The following KDM1A variants were observed in gnomAD, a reference collection of about 807,000 sequenced individuals.
KDM1A encodes the protein lysine demethylase 1A, also known as lysine-specific histone demethylase 1A.
A neutral mutation model predicts 109.4 loss-of-function variants in KDM1A; 49 were observed. The observed-to-expected ratio is 0.45, with a 90% CI of 0.36 to 0.57. The LOEUF (loss-of-function observed/expected upper bound fraction) is 0.57. Ranked by LOEUF, KDM1A falls within the 20% of genes least tolerant of loss-of-function variation. The pLI is 0.00. For missense variants in KDM1A, 668 were observed against 1,116.6 expected (o/e 0.60, Z 5.73); for synonymous variants, 380 against 415.4 (o/e 0.91, Z 1.04).
At chr1:23,032,396 T>C (rs1414797547) in intron 2 of KDM1A, among the ~76,000 whole-genome samples, 2 of 152,056 alleles carry the variant, frequency 1.3e-5, no homozygotes, top group Non-Finnish European at 2.9e-5. Flanking sequence ...TCAGGTATTG[T>C]TCCCACAAAA....
intron 2 of KDM1A, among the ~76,000 whole-genome samples, chr1:23,036,219 C>T (rs1305428735): frequency 6.6e-6 from 1 of 152,090 alleles, no homozygotes; most frequent in Non-Finnish European, 1.5e-5. Flanking sequence ...CAGATTACCA[C>T]CACAGGGAAG....
rs1444148611 is a variant in KDM1A, at chr1:23,055,109, G to T, written c.831G>T (p.Glu277Asp). The T allele has an allele frequency of 6.2e-6, 10 of 1,612,426 alleles. No individual in the cohort carries two copies. Among genetic ancestry groups the T allele is most frequent in the Non-Finnish European group, 8.5e-6 (10 of 1,179,544 alleles). Residue 277 changes from glutamate (E) to aspartate (D), a missense_variant, in exon 6 of 21, where the codon GAG becomes GAT. This residue lies in a region of KDM1A where 149 missense variants were observed against 189.7 expected (regional missense o/e 0.79). Transcript: ENST00000400181. ...TCCACCGAGTTCACAGTTATTTAGA[G>T]CGTCATGGTCTTATCAACTTCGGCA... ...VLVHRVHSYLERHGLINFGIY... is the reference protein window; with the variant it reads ...VLVHRVHSYLDRHGLINFGIY...
chr1:23,079,809 T>C lies in KDM1A; in HGVS notation c.2170+142T>C. 1 of 519,798 alleles carries C rather than the reference T, an allele frequency of 1.9e-6. No homozygotes were observed. 32.2% of individuals were successfully genotyped at this position (519,798 alleles called of 1,614,324 possible). On this transcript the variant is annotated intron_variant, in intron 18 of 20. Coordinates refer to ENST00000400181, the MANE Select transcript of KDM1A (RefSeq NM_001009999.3). This position sits in a 1 kb window ranked among gnomAD's most constrained non-coding sequence, Gnocchi z 5.6. ...AATTCCTGAAATACCTTCTAGGTAC[T>C]GGGGTATAAAAATACCTGCCTTCAA...
chr1:23,040,544 C>T (rs926627656), intron 2 of KDM1A, among the ~76,000 whole-genome samples: 1 of 152,030 alleles, frequency 6.6e-6, no homozygotes, highest in Non-Finnish European at 1.5e-5. Context: ...CGCTCATAAT[C>T]CTGTTGCTTT....
chr1:23,067,426 T>A (rs567860577), intron 10 of KDM1A, among the ~76,000 whole-genome samples: 2 of 152,314 alleles, frequency 1.3e-5, no homozygotes, highest in African/African-American at 4.8e-5. Flanking sequence ...CAAAATCGTC[T>A]GTTGGGTTGG....
At chr1:23,068,888 T>G (rs1226965155) in intron 11 of KDM1A, among the ~76,000 whole-genome samples, 173 bp from the exon 12 acceptor site, 1 of 152,200 alleles carries the variant, frequency 6.6e-6, no homozygotes, top group Non-Finnish European at 1.5e-5. Flanking sequence ...GCTTTTATGG[T>G]ATTATACTAT....
chr1:23,045,790 T>G (rs1279282095), intron 3 of KDM1A, among the ~76,000 whole-genome samples: 1 of 152,178 alleles, frequency 6.6e-6, no homozygotes, highest in Non-Finnish European at 1.5e-5. Flanking sequence ...TAGTAGAACA[T>G]GAATTTTAAG....
chr1:23,047,851 G>A (rs1642545574), intron 3 of KDM1A, among the ~76,000 whole-genome samples: 1 of 150,296 alleles, frequency 6.7e-6, no homozygotes, highest in Admixed American at 6.6e-5. Context: ...GTGAGATTGT[G>A]CCCCTGCACT....
intron 8 of KDM1A, among the ~76,000 whole-genome samples, chr1:23,058,747 C>T (rs989213703): frequency 1.3e-5 from 2 of 152,036 alleles, no homozygotes; most frequent in Non-Finnish European, 2.9e-5. Context: ...TCCGTATTAG[C>T]GTAAAACGAT....
At chr1:23,036,477 G>T (rs1468066933) in intron 2 of KDM1A, among the ~76,000 whole-genome samples, 1 of 61,238 alleles carries the variant, frequency 1.6e-5, no homozygotes, top group South Asian at 7.0e-4. Flanking sequence ...CACCACTCCA[G>T]CCTTTTTGGA....
At chr1:23,037,258 C>T (rs372416399) in intron 2 of KDM1A, among the ~76,000 whole-genome samples, 11 of 147,842 alleles carry the variant, frequency 7.4e-5, no homozygotes, top group African/African-American at 2.8e-4. Context: ...GAGCTGGGAT[C>T]GTACCACTGC....
chr1:23,071,434 A>G, intron 13 of KDM1A, 75 bp downstream of exon 13: 1 of 1,419,258 alleles, frequency 7.0e-7, no homozygotes, highest in Non-Finnish European at 9.5e-7. Flanking sequence ...GAATTTTGGA[A>G]AAGAGAGCCA....
chr1:23,083,405 C>A lies in KDM1A; in HGVS notation c.*41C>A, dbSNP rs767499277. On this transcript the variant is annotated 3_prime_UTR_variant, in exon 21 of 21. Coordinates refer to ENST00000400181, the MANE Select transcript of KDM1A (RefSeq NM_001009999.3). ...AGGGAAGAGGCCCATGTGCCTGTTT[C>A]TGCCATGTAAGGAAGGCTCTTCTAG... 18 of 1,568,128 alleles carry A rather than the reference C, an allele frequency of 1.1e-5. No individual in the cohort carries two copies. Among genetic ancestry groups the A allele is most frequent in the Non-Finnish European group, 1.5e-5 (17 of 1,152,436 alleles).
At chr1:23,072,311 T>A in intron 14 of KDM1A, 114 bp downstream of exon 14, 1 of 722,412 alleles carries the variant, frequency 1.4e-6, no homozygotes, top group South Asian at 1.7e-5. Context: ...AGTGAGTGGT[T>A]TAAATTGTTA....
At chr1:23,065,981 G>T in intron 9 of KDM1A, 79 bp from the exon 10 acceptor site, 1 of 1,578,258 alleles carries the variant, frequency 6.3e-7, no homozygotes, top group South Asian at 1.2e-5. Flanking sequence ...TTTTATTGCT[G>T]TCATACAAAA....
intron 2 of KDM1A, among the ~76,000 whole-genome samples, chr1:23,041,870 T>C (rs1404014102): frequency 6.6e-6 from 1 of 152,198 alleles, no homozygotes; most frequent in Non-Finnish European, 1.5e-5. Context: ...AAGAGGTTTT[T>C]TAATTCCTTT....
chr1:23,069,253 G>T (rs1044111626), intron 12 of KDM1A, 102 bp downstream of exon 12: 10 of 665,352 alleles, frequency 1.5e-5, no homozygotes, highest in African/African-American at 1.1e-4. Flanking sequence ...CCATGGAAGA[G>T]AAAGTCTGCA....
At chr1:23,060,856 A>G (rs1274629211) in intron 9 of KDM1A, among the ~76,000 whole-genome samples, 1 of 152,176 alleles carries the variant, frequency 6.6e-6, no homozygotes, top group Non-Finnish European at 1.5e-5. Context: ...TATAATATTA[A>G]TAGTAGGCAA....
chr1:23,055,244 AG>A (rs1179290355), intron 6 of KDM1A, 83 bp downstream of exon 6: 13 of 664,498 alleles, frequency 2.0e-5, no homozygotes, highest in Non-Finnish European at 3.2e-5. Context: ...TGATGACGTT[AG>A]GATTTTATTT....
Sources: gnomAD v4.1 joint callset for allele counts (sites outside exome capture counted in the v4.1 genomes callset) on GRCh38, gnomAD v4.1.1 for gene constraint, gnomAD v4.1.1 regional missense constraint, Gnocchi (gnomAD v3.1) non-coding constraint, MANE v1.5 for transcripts, NCBI Gene and HGNC (gene_info 2026-07-23, HGNC 2026-07-21) for gene names.